IL12A: variants seen among roughly 807,000 people sequenced by gnomAD.
IL12A encodes the protein interleukin-12 subunit alpha.
Under a neutral mutation model 23.5 loss-of-function variants are expected in IL12A, and 16 were observed. The ratio of observed to expected loss-of-function variants is 0.68; its 90% CI spans 0.46 to 1.03. IL12A has a LOEUF of 1.03. Among genes scored for constraint, IL12A ranks in the 50% least tolerant of loss-of-function variants. The pLI is 0.00. For synonymous variants in IL12A, 106 were observed against 111.5 expected (o/e 0.95, Z 0.31); for missense variants, 275 against 307.0 (o/e 0.90, Z 0.78).
intron 3 of IL12A, 113 bp downstream of exon 3, chr3:159,993,238 G>A: frequency 1.3e-6 from 1 of 753,278 alleles, no homozygotes. Flanking sequence ...GATTTTAACT[G>A]GTCCTACTTC....
chr3:159,990,129 C>T (rs55638332), intron 1 of IL12A, 38 bp from the exon 2 acceptor site: 1,205 of 1,607,518 alleles, frequency 7.5e-4, no homozygotes, highest in Non-Finnish European at 9.7e-4. Context: ...GCAGGCCATC[C>T]AGGCTGAAGC....
intron 3 of IL12A, 117 bp from the exon 4 acceptor site, chr3:159,993,334 C>G: frequency 1.2e-6 from 1 of 812,236 alleles, no homozygotes; most frequent in Non-Finnish European, 2.0e-6. Context: ...AAAAATAGTT[C>G]AGATGCTAAA....
chr3:159,992,436 A>G (rs1662343934), intron 2 of IL12A, among the ~76,000 whole-genome samples: 1 of 152,270 alleles, frequency 6.6e-6, no homozygotes, highest in African/African-American at 2.4e-5. Context: ...AAATGATCGT[A>G]ATCTTCAATC....
Position 159,993,006 on chromosome 3 carries a change from TTA to T in IL12A, c.265-3_265-2del. On this transcript the variant is annotated splice_region_variant and splice_polypyrimidine_tract_variant and intron_variant, in intron 2 of 6. Transcript: ENST00000305579. ...ATAAACTGAGTTTCTCCTTCATTTT[TTA>T]TAGGCCAGACAAACTCTAGAATTTT... 6.6e-7 allele frequency: 1 copy of T among 1,526,614 alleles called. No homozygotes were observed. Among genetic ancestry groups the T allele is most frequent in the Non-Finnish European group, 9.1e-7 (1 of 1,101,710 alleles). 94.6% of individuals were successfully genotyped at this position (1,526,614 alleles called of 1,614,324 possible).
intron 1 of IL12A, among the ~76,000 whole-genome samples, 153 bp from the exon 2 acceptor site, chr3:159,990,014 T>C (rs923837086): frequency 3.3e-5 from 5 of 152,026 alleles, no homozygotes; most frequent in Non-Finnish European, 7.4e-5. Context: ...ACTCGAGTCA[T>C]CTCTCAGGTG....
chr3:159,989,205 C>G, intron 1 of IL12A, 31 bp downstream of exon 1: 6 of 1,567,978 alleles, frequency 3.8e-6, no homozygotes, highest in Non-Finnish European at 5.3e-6. Flanking sequence ...GTCTTTGGCT[C>G]GCTCGGGTGC....
Position 159,990,330 on chromosome 3 carries a change from T to C in IL12A, c.264+18T>C. ...TCCAGAAGGTGAGCCTTTCCTGTCC[T>C]CTCCACTGTGGACCTGCACCCTCCC... On this transcript the variant is annotated intron_variant, in intron 2 of 6. Transcript: ENST00000305579. 1 of 1,613,002 alleles carries C rather than the reference T, an allele frequency of 6.2e-7. No individual in the cohort carries two copies. Among genetic ancestry groups the C allele is most frequent in the Non-Finnish European group, 8.5e-7 (1 of 1,179,240 alleles).
At chr3:159,994,718 C>T (rs1016543462) in intron 6 of IL12A, among the ~76,000 whole-genome samples, 7 of 151,336 alleles carry the variant, frequency 4.6e-5, no homozygotes, top group Non-Finnish European at 1.0e-4. Flanking sequence ...TTTTTAGGAC[C>T]AAGAGTTGGG....
Position 159,990,321 on chromosome 3 carries a change from T to C in IL12A, c.264+9T>C. On this transcript the variant is annotated intron_variant, in intron 2 of 6. Transcript: ENST00000305579. ...GCAACATGCTCCAGAAGGTGAGCCT[T>C]TCCTGTCCTCTCCACTGTGGACCTG... 1 of 1,613,908 alleles carries C rather than the reference T, an allele frequency of 6.2e-7. No individual in the cohort carries two copies. The highest frequency in any genetic ancestry group is 8.5e-7 in the Non-Finnish European group (1 of 1,179,908).
rs748559121 is a variant in IL12A, at chr3:159,993,791, A to G, written c.553A>G (p.Arg185Gly). The G allele has an allele frequency of 6.2e-7, 1 of 1,614,174 alleles. No individual in the cohort carries two copies. Among genetic ancestry groups the G allele is most frequent in the East Asian group, 2.2e-5 (1 of 44,888 alleles). Reference sequence around the variant, plus strand: ...TGCAAAGCTTCTGATGGATCCTAAGAGGCAGATCTTTCTAGATCAAAACAT... The same window carrying G: ...TGCAAAGCTTCTGATGGATCCTAAGGGGCAGATCTTTCTAGATCAAAACAT... The change falls in exon 6 of 7, where the codon AGG (arginine) becomes GGG (glycine). Residue 185 changes from arginine (R) to glycine (G), a missense_variant. Coordinates refer to ENST00000305579, the MANE Select transcript of IL12A (RefSeq NM_000882.4).
chr3:159,990,030 G>A, intron 1 of IL12A, 137 bp from the exon 2 acceptor site: 1 of 809,914 alleles, frequency 1.2e-6, no homozygotes, highest in South Asian at 1.7e-5. Context: ...AGGTGTTGAA[G>A]GAAAAGTGTT....
Position 159,988,904 on chromosome 3 carries a change from C to T in IL12A, c.-153C>T. ...CCGGAACGGCTGCGGCCGGGCACCC[C>T]GGGAGTTAATCCGAAAGCGCCGCAA... is the stretch of plus-strand genomic sequence containing the variant. On this transcript the variant is annotated 5_prime_UTR_variant, in exon 1 of 7. Coordinates refer to ENST00000305579, the MANE Select transcript of IL12A (RefSeq NM_000882.4). The T allele has an allele frequency of 1.5e-6, 1 of 659,304 alleles. No individual in the cohort carries two copies. The highest frequency in any genetic ancestry group is 2.8e-5 in the Admixed American group (1 of 36,066). The allele number at this position is 659,304 out of a possible 1,614,324, so 40.8% of individuals were successfully genotyped here.
At chr3:159,994,853 C>T (rs1720443106) in intron 6 of IL12A, among the ~76,000 whole-genome samples, 1 of 152,096 alleles carries the variant, frequency 6.6e-6, no homozygotes, top group Admixed American at 6.6e-5. Flanking sequence ...TTCTTTTAGA[C>T]TTTTTGTGAG....
Position 159,990,201 on chromosome 3 carries a change from C to G in IL12A, c.153C>G (p.Asp51Glu), listed in dbSNP as rs1280706639. ...TTGTGGCTACCCTGGTCCTCCTGGA[C>G]CACCTCAGTTTGGCCAGAAACCTCC... The change falls in exon 2 of 7, where the codon GAC (aspartate) becomes GAG (glutamate). Residue 51 changes from aspartate (D) to glutamate (E), a missense_variant. Transcript: ENST00000305579. The G allele has an allele frequency of 1.2e-6, 2 of 1,613,984 alleles. No homozygotes were observed. The highest frequency in any genetic ancestry group is 1.7e-6 in the Non-Finnish European group (2 of 1,180,016).
chr3:159,993,982 T>C lies in IL12A; in HGVS notation c.606+138T>C, dbSNP rs2108047433. ...GACCTACATTTTCAAGAAGACAGCC[T>C]TGAGGGTGCCGTCTATAGGGAGCAC... On this transcript the variant is annotated intron_variant, in intron 6 of 6. Coordinates refer to ENST00000305579, the MANE Select transcript of IL12A (RefSeq NM_000882.4). The C allele has an allele frequency of 3.6e-6, 3 of 823,082 alleles. No homozygotes were observed. In the South Asian group the frequency reaches 5.0e-5, roughly 14 times the overall value. The allele number at this position is 823,082 out of a possible 1,614,324, so 51.0% of individuals were successfully genotyped here.
chr3:159,989,273 T>TGCCTAA (rs1720217832), intron 1 of IL12A, 99 bp downstream of exon 1: 3 of 897,576 alleles, frequency 3.3e-6, no homozygotes, highest in African/African-American at 3.3e-5. Context: ...AAGGAGAGAC[T>TGCCTAA]GGAACAGCAG....
chr3:159,988,856 G>C lies in IL12A; in HGVS notation c.-201G>C. Reference sequence around the variant, plus strand: ...GAACATTTCGCTTTCATTTTGGGCCGAGCTGGAGGCGGCGGGGCCGTCCCG... The same window carrying C: ...GAACATTTCGCTTTCATTTTGGGCCCAGCTGGAGGCGGCGGGGCCGTCCCG... On this transcript the variant is annotated 5_prime_UTR_variant, in exon 1 of 7. Transcript: ENST00000305579. 1.7e-6 allele frequency: 1 copy of C among 586,518 alleles called. No individual in the cohort carries two copies. Among genetic ancestry groups the C allele is most frequent in the Non-Finnish European group, 3.0e-6 (1 of 331,512 alleles). 36.3% of individuals were successfully genotyped at this position (586,518 alleles called of 1,614,324 possible). A position where few individuals can be genotyped will look rare whatever the true frequency, so the allele number is the denominator to read the frequency against.
In IL12A at chr3:159,992,108, G is replaced by A. The variant is rs374342866; in HGVS notation, c.265-904G>A. Among the ~76,000 whole-genome samples the A allele has an allele frequency of 3.3e-5, 5 of 152,296 alleles. No homozygotes were observed. The East Asian group carries it at 5.8e-4, about 18-fold the overall frequency. On this transcript the variant is annotated intron_variant, in intron 2 of 6. Transcript: ENST00000305579. ...GGGATTTTACTACTTGTGCCCAAAC[G>A]TATTCTGAATTTTCAGGCCTTGCTT...
At position 159,994,579 on chromosome 3, in the gene IL12A, C is replaced by CGCGTGT. The variant is rs1553809859; in HGVS notation, c.606+736_606+737insCGTGTG. Reference sequence around the variant, plus strand: ...GTAATTGTTTTACTTTTATTCTTTTCGTGTGTGTGTGTGTGTGTGTGTGTG... The same window carrying CGCGTGT: ...GTAATTGTTTTACTTTTATTCTTTTCGCGTGTGTGTGTGTGTGTGTGTGTGTGTGTG... On this transcript the variant is annotated intron_variant, in intron 6 of 6. Coordinates refer to ENST00000305579, the MANE Select transcript of IL12A (RefSeq NM_000882.4). Among the ~76,000 whole-genome samples, 10 of 135,744 alleles carry CGCGTGT rather than the reference C, an allele frequency of 7.4e-5. No homozygotes were observed. In the South Asian group the frequency reaches 2.4e-3, roughly 33 times the overall value. 89.1% of individuals were successfully genotyped at this position (135,744 alleles called of 152,430 possible).
Sources: allele counts gnomAD v4.1 joint callset (sites outside exome capture counted in the v4.1 genomes callset), GRCh38; gene constraint gnomAD v4.1.1; transcripts MANE v1.5; gene names NCBI Gene and HGNC (gene_info 2026-07-23, HGNC 2026-07-21).